Variants in TXNDC16 observed in about 807,000 individuals in gnomAD.
TXNDC16 encodes the protein thioredoxin domain-containing protein 16.
In TXNDC16, 74 loss-of-function variants were observed where a neutral mutation model predicts 85.6. The observed-to-expected ratio is 0.86, with a 90% CI of 0.72 to 1.05. The LOEUF (loss-of-function observed/expected upper bound fraction) is 1.05, where lower values mean the gene tolerates loss of function less well. Ranked by LOEUF, TXNDC16 falls within the 50% of genes least tolerant of loss-of-function variation. TXNDC16 has a pLI of 0.00. For synonymous variants in TXNDC16, 335 were observed against 326.5 expected, an observed-to-expected ratio of 1.03 and a Z score of -0.28; for missense variants, 959 against 947.0, an observed-to-expected ratio of 1.01 and a Z score of -0.17.
At position 52,552,296 on chromosome 14, in the gene TXNDC16, G is replaced by A. The variant is rs1373339910; in HGVS notation, c.-182+20C>T. The A allele has an allele frequency of 6.6e-6, 1 of 152,420 alleles. No homozygotes were observed. Among genetic ancestry groups the A allele is most frequent in the Admixed American group, 6.5e-5 (1 of 15,280 alleles). 9.4% of individuals were successfully genotyped at this position (152,420 alleles called of 1,614,324 possible). A position where few individuals can be genotyped will look rare whatever the true frequency, so the allele number is the denominator to read the frequency against. On this transcript the variant is annotated intron_variant, in intron 1 of 20. Transcript: ENST00000281741. Reference sequence around the variant, plus strand: ...CTGCAGGCAGAGCCCACAGCCTGAAGGGCCAGCGCTGTCACCTACCTGCCC... The same window carrying A: ...CTGCAGGCAGAGCCCACAGCCTGAAAGGCCAGCGCTGTCACCTACCTGCCC...
At position 52,450,853 on chromosome 14, in the gene TXNDC16, TTATA is replaced by T. The variant is rs71125107; in HGVS notation, c.1842+4467_1842+4470del. 1.9e-3 allele frequency among the ~76,000 whole-genome samples: 275 copies of T among 144,942 alleles called. 2 individuals are homozygous for T. The highest frequency in any genetic ancestry group is 0.015 in the South Asian group (67 of 4,580). ...CAACAAGTGGATAAGAAAATGTGTT[TTATA>T]TATATATATATATATATATATATAC... is the stretch of plus-strand genomic sequence containing the variant. On this transcript the variant is annotated intron_variant, in intron 18 of 20. Transcript: ENST00000281741.
At chr14:52,487,015 C>A (rs1329485584) in intron 12 of TXNDC16, among the ~76,000 whole-genome samples, 1 of 152,020 alleles carries the variant, frequency 6.6e-6, no homozygotes, top group Non-Finnish European at 1.5e-5. Flanking sequence ...GTAAGTAAGG[C>A]CACAGAGTCA....
At chr14:52,511,919 G>A (rs1307223753) in intron 8 of TXNDC16, among the ~76,000 whole-genome samples, 1 of 152,042 alleles carries the variant, frequency 6.6e-6, no homozygotes, top group Admixed American at 6.6e-5. Flanking sequence ...CAGCAAATAT[G>A]GCTTATAATT....
At chr14:52,545,549 A>G (rs2037923907) in intron 1 of TXNDC16, among the ~76,000 whole-genome samples, 1 of 152,216 alleles carries the variant, frequency 6.6e-6, no homozygotes, top group Admixed American at 6.5e-5. Context: ...TTTAACCAAA[A>G]CCATAACAAC....
At position 52,542,401 on chromosome 14, in the gene TXNDC16, A is replaced by C; in HGVS notation, c.213T>G (p.Pro71=). 1 of 1,612,376 alleles carries C rather than the reference A, an allele frequency of 6.2e-7. No homozygotes were observed. The highest frequency in any genetic ancestry group is 1.3e-5 in the African/African-American group (1 of 75,002). Residue 71 remains proline, a synonymous_variant, in exon 4 of 21, where the codon CCT becomes CCG. Coordinates refer to ENST00000281741, the MANE Select transcript of TXNDC16 (RefSeq NM_020784.3). Reference sequence around the variant, plus strand: ...CAACTGAAATTCCATAGTCCTGCAGAGGTCTAACAGCCTCATTCAGTTCTT... The same window carrying C: ...CAACTGAAATTCCATAGTCCTGCAGCGGTCTAACAGCCTCATTCAGTTCTT... ...FLEELNEAVR[P]LQDYGISVAK... is the part of the protein sequence containing the mutation.
intron 18 of TXNDC16, among the ~76,000 whole-genome samples, chr14:52,454,164 T>TG (rs1430643669): frequency 6.6e-6 from 1 of 152,166 alleles, no homozygotes; most frequent in African/African-American, 2.4e-5. Flanking sequence ...CAGTGGCTCA[T>TG]GCTGTAATCT....
chr14:52,460,821 G>A (rs2035636151), intron 16 of TXNDC16, among the ~76,000 whole-genome samples: 1 of 152,088 alleles, frequency 6.6e-6, no homozygotes. Context: ...GTGAATGAAA[G>A]TGTTTTATTG....
chr14:52,531,027 C>T (rs774980660), intron 6 of TXNDC16, among the ~76,000 whole-genome samples: 1 of 151,956 alleles, frequency 6.6e-6, no homozygotes, highest in African/African-American at 2.4e-5. Flanking sequence ...AACCAAAGAC[C>T]TTGACCTCAT....
chr14:52,520,930 T>C (rs2037195052), intron 6 of TXNDC16, among the ~76,000 whole-genome samples: 1 of 152,140 alleles, frequency 6.6e-6, no homozygotes, highest in South Asian at 2.1e-4. Flanking sequence ...ATTGAGGTCC[T>C]CAAGGAGCTT....
intron 9 of TXNDC16, among the ~76,000 whole-genome samples, chr14:52,491,493 T>C (rs1232338795): frequency 6.6e-6 from 1 of 151,842 alleles, no homozygotes; most frequent in Admixed American, 6.6e-5. Context: ...CCATCGTGCC[T>C]GGCCCCCTAT....
At chr14:52,545,424 T>C (rs544130197) in intron 1 of TXNDC16, among the ~76,000 whole-genome samples, 2 of 152,340 alleles carry the variant, frequency 1.3e-5, no homozygotes, top group African/African-American at 4.8e-5. Context: ...CTGTAGTTTG[T>C]TCCATCTATG....
intron 6 of TXNDC16, among the ~76,000 whole-genome samples, chr14:52,525,911 C>T (rs1324720798): frequency 3.9e-5 from 6 of 152,022 alleles, no homozygotes; most frequent in Non-Finnish European, 7.4e-5. Flanking sequence ...TTCCTGTATA[C>T]TTTAAATCAT....
chr14:52,509,285 C>G (rs1053921505), intron 9 of TXNDC16, among the ~76,000 whole-genome samples: 14 of 151,982 alleles, frequency 9.2e-5, no homozygotes, highest in Admixed American at 6.6e-4. Flanking sequence ...AATCTTACCC[C>G]CGATGGTGAA....
intron 16 of TXNDC16, among the ~76,000 whole-genome samples, chr14:52,468,560 T>C (rs1315817041): frequency 3.3e-5 from 5 of 152,258 alleles, no homozygotes; most frequent in South Asian, 2.1e-4. Context: ...ACCAATTCAT[T>C]AGACAAACAG....
At chr14:52,517,120 C>T (rs2140189861) in intron 7 of TXNDC16, among the ~76,000 whole-genome samples, 1 of 152,290 alleles carries the variant, frequency 6.6e-6, no homozygotes, top group South Asian at 2.1e-4. Context: ...TAGCACACAA[C>T]TCTAACCCAT....
intron 9 of TXNDC16, among the ~76,000 whole-genome samples, chr14:52,504,089 T>A (rs1251356769): frequency 1.3e-5 from 2 of 152,144 alleles, no homozygotes; most frequent in African/African-American, 4.8e-5. Flanking sequence ...CAAATCTACG[T>A]CTGACTGGTA....
chr14:52,435,447 G>A (rs1252837689), intron 20 of TXNDC16, among the ~76,000 whole-genome samples: 1 of 152,042 alleles, frequency 6.6e-6, no homozygotes, highest in Non-Finnish European at 1.5e-5. Context: ...AAGAGCTACA[G>A]CTGAAAAGAT....
At chr14:52,451,339 C>G (rs942488219) in intron 18 of TXNDC16, among the ~76,000 whole-genome samples, 1 of 151,172 alleles carries the variant, frequency 6.6e-6, no homozygotes, top group Non-Finnish European at 1.5e-5. Flanking sequence ...TAATTCCAAA[C>G]TCATTCTACA....
At chr14:52,478,173 CA>C (rs559162577) in intron 14 of TXNDC16, among the ~76,000 whole-genome samples, 125 of 152,154 alleles carry the variant, frequency 8.2e-4, no homozygotes, top group Non-Finnish European at 1.4e-3. Flanking sequence ...TGGAATATAG[CA>C]AAGGCAGTGC....
Sources: gnomAD v4.1 joint callset for allele counts (sites outside exome capture counted in the v4.1 genomes callset) on GRCh38, gnomAD v4.1.1 for gene constraint, MANE v1.5 for transcripts, NCBI Gene and HGNC (gene_info 2026-07-23, HGNC 2026-07-21) for gene names.